Variants in LANCL3 observed in about 807,000 individuals in gnomAD.
LANCL3 encodes LanC like family member 3, also known as lanC-like protein 3.
LANCL3 carries 19 observed loss-of-function variants against 26.5 expected under a neutral mutation model. The observed-to-expected ratio is 0.72, with a 90% CI of 0.50 to 1.05. The LOEUF (loss-of-function observed/expected upper bound fraction) is 1.05. Among genes scored for constraint, LANCL3 ranks in the 50% least tolerant of loss-of-function variants. The probability of loss-of-function intolerance (pLI) is 0.00; values close to 1 mark genes in which losing one functional copy is unlikely to be tolerated. For missense variants in LANCL3, 318 were observed against 362.7 expected (o/e 0.88, Z 1.00); for synonymous variants, 160 against 166.6 (o/e 0.96, Z 0.30).
chrX:37,586,649 A>T (rs1924092505), intron 1 of LANCL3, among the ~76,000 whole-genome samples: 1 of 112,033 alleles, frequency 8.9e-6, no homozygotes. Context: ...CAGCTCCATC[A>T]GGTCATTTAA....
At chrX:37,606,601 T>C (rs782547374) in intron 1 of LANCL3, among the ~76,000 whole-genome samples, 117 of 111,627 alleles carry the variant, frequency 1.0e-3, no homozygotes, top group Non-Finnish European at 1.8e-3. Context: ...GTTGAATGAA[T>C]AGATGGAACC....
At chrX:37,644,599 A>T (rs1556426482) in intron 1 of LANCL3, among the ~76,000 whole-genome samples, 1 of 111,735 alleles carries the variant, frequency 8.9e-6, no homozygotes, top group African/African-American at 3.3e-5. Flanking sequence ...CTGACCCAGC[A>T]TGTTCATTCA....
At chrX:37,595,023 C>G (rs782650602) in intron 1 of LANCL3, among the ~76,000 whole-genome samples, 1 of 112,103 alleles carries the variant, frequency 8.9e-6, no homozygotes, top group South Asian at 3.7e-4. Context: ...ATTTTTCTCA[C>G]AAGCCATTTT....
At chrX:37,631,261 G>T (rs1602116998) in intron 1 of LANCL3, among the ~76,000 whole-genome samples, 1 of 111,763 alleles carries the variant, frequency 8.9e-6, no homozygotes, top group African/African-American at 3.3e-5. Flanking sequence ...AGTATTCTCT[G>T]ATGGTAGTTT....
intron 3 of LANCL3, among the ~76,000 whole-genome samples, chrX:37,666,635 G>A (rs1253167790): frequency 7.2e-5 from 8 of 111,787 alleles, no homozygotes; most frequent in Non-Finnish European, 1.9e-5. Flanking sequence ...TGCTTCTCTT[G>A]TTTCTCTTGT....
intron 1 of LANCL3, among the ~76,000 whole-genome samples, chrX:37,614,094 T>C (rs2032258039): frequency 8.9e-6 from 1 of 112,145 alleles, no homozygotes; most frequent in Admixed American, 9.4e-5. Flanking sequence ...AGCAGAATGC[T>C]GATTAGCTTT....
chrX:37,611,597 A>G (rs1924872349), intron 1 of LANCL3, among the ~76,000 whole-genome samples: 1 of 111,887 alleles, frequency 8.9e-6, no homozygotes, highest in African/African-American at 3.3e-5. Context: ...AAAGGAAAGG[A>G]CTGATATAGA....
intron 1 of LANCL3, among the ~76,000 whole-genome samples, chrX:37,613,479 T>C (rs1238268566): frequency 2.4e-4 from 27 of 112,127 alleles, no homozygotes; most frequent in Admixed American, 2.4e-3. Context: ...TAAATGTGCA[T>C]ACTTTATAAA....
rs1452112333 is a variant in LANCL3, at chrX:37,675,996, A to G, written c.*183A>G. ...GAGAAAGGATCTGCAAAATAAAGAT[A>G]CCACAATTCATCTTAAAACTGCAGA... On this transcript the variant is annotated 3_prime_UTR_variant, in exon 5 of 5. Transcript: ENST00000378619. 9.7e-6 allele frequency: 3 copies of G among 309,694 alleles called. No homozygotes were observed. The highest frequency in any genetic ancestry group is 8.1e-5 in the African/African-American group (3 of 37,079). The allele number at this position is 309,694 out of a possible 1,213,427, so 25.5% of individuals were successfully genotyped here.
intron 1 of LANCL3, among the ~76,000 whole-genome samples, chrX:37,611,972 C>T (rs1556421230): frequency 9.1e-6 from 1 of 110,074 alleles, no homozygotes; most frequent in Non-Finnish European, 1.9e-5. Flanking sequence ...GTTTCGCTCT[C>T]GTCTCCCAGT....
At chrX:37,585,071 A>G (rs1924023015) in intron 1 of LANCL3, among the ~76,000 whole-genome samples, 1 of 111,790 alleles carries the variant, frequency 8.9e-6, no homozygotes, top group African/African-American at 3.3e-5. Context: ...GTCATTCAGG[A>G]GCAGATTGTT....
At chrX:37,670,721 G>T (rs1391151927) in intron 4 of LANCL3, among the ~76,000 whole-genome samples, 2 of 110,542 alleles carry the variant, frequency 1.8e-5, no homozygotes, top group Non-Finnish European at 3.8e-5. Flanking sequence ...TTTTAAAAAA[G>T]CTCACAGAAA....
intron 1 of LANCL3, among the ~76,000 whole-genome samples, chrX:37,627,214 C>G (rs1329711754): frequency 8.9e-6 from 1 of 112,386 alleles, no homozygotes; most frequent in East Asian, 2.8e-4. Context: ...TGGAGTTTCT[C>G]TTTATTTCTG....
intron 1 of LANCL3, among the ~76,000 whole-genome samples, chrX:37,633,290 C>T (rs1192351867): frequency 9.0e-6 from 1 of 111,223 alleles, no homozygotes; most frequent in African/African-American, 3.3e-5. Context: ...AGTTCTCGAG[C>T]CTTGGCTTTC....
rs1926570866 is a variant in LANCL3 at position 37,667,423 on chromosome X, G to A, written c.1037G>A (p.Ser346Asn). 8.3e-7 allele frequency: 1 copy of A among 1,202,353 alleles called. No homozygotes were observed. The highest frequency in any genetic ancestry group is 1.1e-6 in the Non-Finnish European group (1 of 891,392). The change falls in exon 4 of 5, where the codon AGT becomes AAT. Residue 346 changes from serine to asparagine, a missense_variant. Physicochemically the swap from Ser to Asn is conservative, Grantham distance 46. Coordinates refer to ENST00000378619, the MANE Select transcript of LANCL3 (RefSeq NM_001170331.2). ...GPGICHGVAG[S>N]AYVFLLLYRL... ...GGGATTTGCCATGGAGTAGCCGGCA[G>A]TGCCTATGTCTTCCTGCTGCTGTAC...
chrX:37,643,851 A>G (rs1556426320), intron 1 of LANCL3, among the ~76,000 whole-genome samples: 1 of 111,648 alleles, frequency 9.0e-6, no homozygotes, highest in African/African-American at 3.3e-5. Flanking sequence ...CCTTTTCACT[A>G]TAGCTTGCAG....
chrX:37,575,707 C>T (rs1309536360), intron 1 of LANCL3, among the ~76,000 whole-genome samples: 37 of 112,089 alleles, frequency 3.3e-4, no homozygotes, highest in African/African-American at 1.1e-3. Context: ...CTGCAAGTTC[C>T]TGGGTGATCC....
chrX:37,673,534 CTATTT>C (rs1428619656), intron 4 of LANCL3, among the ~76,000 whole-genome samples: 3 of 110,490 alleles, frequency 2.7e-5, no homozygotes, highest in African/African-American at 9.9e-5. Flanking sequence ...ATGCTGACTT[CTATTT>C]TGACTGAGAA....
chrX:37,585,772 A>C (rs1225402432), intron 1 of LANCL3, among the ~76,000 whole-genome samples: 5 of 111,903 alleles, frequency 4.5e-5, no homozygotes, highest in African/African-American at 1.6e-4. Flanking sequence ...TGTGTCTTTG[A>C]ATTGGAGCAT....
Sources: gnomAD v4.1 joint callset for allele counts (sites outside exome capture counted in the v4.1 genomes callset) on GRCh38, gnomAD v4.1.1 for gene constraint, MANE v1.5 for transcripts, NCBI Gene and HGNC (gene_info 2026-07-23, HGNC 2026-07-21) for gene names.